The following NLRP2 variants were observed in gnomAD, a reference collection of about 807,000 sequenced individuals.
NLRP2 encodes NACHT, LRR and PYD domains-containing protein 2.
A neutral mutation model predicts 97.2 loss-of-function variants in NLRP2; 107 were observed. The ratio of observed to expected loss-of-function variants is 1.10; its 90% confidence interval spans 0.94 to 1.29. The LOEUF (loss-of-function observed/expected upper bound fraction) is 1.29, where lower values mean the gene tolerates loss of function less well. Among genes scored for constraint, NLRP2 ranks in the 50% most tolerant of loss-of-function variants. NLRP2 has a pLI of 0.00. For missense variants in NLRP2, 1,495 were observed against 1,330.3 expected (o/e 1.12, Z -1.93); for synonymous variants, 663 against 551.5 (o/e 1.20, Z -2.83).
chr19:54,977,512 TGTG>T (rs2071316390), intron 3 of NLRP2, among the ~76,000 whole-genome samples: 3 of 151,388 alleles, frequency 2.0e-5, no homozygotes, highest in African/African-American at 4.9e-5. Context: ...TGTGTGTGTG[TGTG>T]TGTGTGTGTC....
In NLRP2 at chr19:54,992,729, CTTTATT is replaced by C. The variant is rs368812851; in HGVS notation, c.2709-1535_2709-1530del. Among the ~76,000 whole-genome samples, 288 of 151,766 alleles carry C rather than the reference CTTTATT, an allele frequency of 1.9e-3. 1 individual carries two copies. The highest frequency in any genetic ancestry group is 6.8e-3 in the Middle Eastern group (2 of 294). ...GCATGCCACCACGCCCAGCTAACTT[CTTTATT>C]TTTAGTAGAGACGAGTTTTCACCAT... On this transcript the variant is annotated intron_variant, in intron 10 of 12. Transcript: ENST00000448584.
At chr19:54,976,432 C>T (rs561503691) in intron 3 of NLRP2, among the ~76,000 whole-genome samples, 10 of 151,960 alleles carry the variant, frequency 6.6e-5, no homozygotes, top group Non-Finnish European at 8.8e-5. Flanking sequence ...CTGCAGCCTC[C>T]GCCTCCCAGG....
chr19:54,990,992 T>A (rs2072439340), intron 10 of NLRP2: 1 of 396,698 alleles, frequency 2.5e-6, no homozygotes, highest in African/African-American at 2.0e-5. Context: ...GCTCAAGAGA[T>A]CTGCCTGCCT....
chr19:54,983,541 G>C lies in NLRP2; in HGVS notation c.1843G>C (p.Glu615Gln). 6.2e-7 allele frequency: 1 copy of C among 1,614,196 alleles called. No homozygotes were observed. The highest frequency in any genetic ancestry group is 8.5e-7 in the Non-Finnish European group (1 of 1,180,024). Reference protein sequence around the residue: ...LLGCLYESQEEELVKEVMAQF... With the variant: ...LLGCLYESQEQELVKEVMAQF... ...CGGCTGTCTGTACGAGTCTCAGGAG[G>C]AGGAGCTGGTGAAGGAGGTGATGGC... Residue 615 changes from glutamate (E) to glutamine (Q), a missense_variant, in exon 6 of 13, where the codon GAG (glutamate) becomes CAG (glutamine). Glu to Gln is a conservative substitution (Grantham distance 29, BLOSUM62 2). Transcript: ENST00000448584.
Position 54,985,186 on chromosome 19 carries a change from G to A in NLRP2, c.2170G>A (p.Ala724Thr), listed in dbSNP as rs369147616. ...SLVRILCEQI[A>T]SDTCHLQRVV... ...AGTAAGGATCCTGTGTGAACAAATA[G>A]CCTCTGACACCTGTCATCTCCAGAG... The change falls in exon 7 of 13, where the codon GCC (alanine) becomes ACC (threonine). Residue 724 changes from alanine (A) to threonine (T), a missense_variant. Ala to Thr is a moderately conservative substitution (Grantham distance 58). Coordinates refer to ENST00000448584, the MANE Select transcript of NLRP2 (RefSeq NM_017852.5). 730 of 1,614,056 alleles carry A rather than the reference G, an allele frequency of 4.5e-4. 8 individuals carry two copies. The South Asian group carries it at 7.4e-3, about 16-fold the overall frequency.
intron 1 of NLRP2, among the ~76,000 whole-genome samples, chr19:54,966,911 G>A (rs892330590): frequency 7.0e-6 from 1 of 142,748 alleles, no homozygotes; most frequent in African/African-American, 2.6e-5. Context: ...GCAGGATCTC[G>A]GCTCACTGAA....
In NLRP2 at chr19:55,000,978, CG is replaced by C; in HGVS notation, c.*82del. The C allele has an allele frequency of 5.3e-6, 7 of 1,315,772 alleles. No homozygotes were observed. The highest frequency in any genetic ancestry group is 1.7e-5 in the Admixed American group (1 of 59,358). The allele number at this position is 1,315,772 out of a possible 1,614,324, so 81.5% of individuals were successfully genotyped here. On this transcript the variant is annotated 3_prime_UTR_variant, in exon 13 of 13. Transcript: ENST00000448584. ...AACTGCCTGTGACTCCTCTCCTCCC[CG>C]GCCCCTACCCCTCAGGGATAATGAG... is the stretch of plus-strand genomic sequence containing the variant.
Position 54,982,415 on chromosome 19 carries a change from C to G in NLRP2, c.717C>G (p.Phe239Leu), listed in dbSNP as rs1459391722. Residue 239 changes from phenylalanine (F) to leucine (L), a missense_variant, in exon 6 of 13, where the codon TTC becomes TTG. Transcript: ENST00000448584. ...DWAEDNLIHK[F>L]KYAFYLSCRE... is the part of the protein sequence containing the mutation. Reference sequence around the variant, plus strand: ...CAGAGGACAACCTCATCCACAAATTCAAATATGCGTTCTACCTCAGCTGCA... The same window carrying G: ...CAGAGGACAACCTCATCCACAAATTGAAATATGCGTTCTACCTCAGCTGCA... The G allele has an allele frequency of 2.5e-6, 4 of 1,614,000 alleles. No homozygotes were observed. The highest frequency in any genetic ancestry group is 2.2e-5 in the East Asian group (1 of 44,878).
chr19:54,987,256 G>T (rs2072159208), intron 8 of NLRP2, among the ~76,000 whole-genome samples: 1 of 151,744 alleles, frequency 6.6e-6, no homozygotes, highest in Non-Finnish European at 1.5e-5. Context: ...CCTGTATGAT[G>T]ATTCAGAATA....
At position 54,996,893 on chromosome 19, in the gene NLRP2, C is replaced by A. The variant is rs569047947; in HGVS notation, c.2880-424C>A. Among the ~76,000 whole-genome samples the A allele has an allele frequency of 4.2e-4, 64 of 152,160 alleles. 1 individual carries two copies. The highest frequency in any genetic ancestry group is 1.5e-3 in the African/African-American group (63 of 41,542). On this transcript the variant is annotated intron_variant, in intron 11 of 12. Coordinates refer to ENST00000448584, the MANE Select transcript of NLRP2 (RefSeq NM_017852.5). ...CCATATTTTCCTGTTAGCAGATGAGCCCTGAGGGCGGAGACGTTTTGTTTG... is the reference window on the plus strand; with the variant it reads ...CCATATTTTCCTGTTAGCAGATGAGACCTGAGGGCGGAGACGTTTTGTTTG...
At chr19:55,000,009 T>C (rs1229297188) in intron 12 of NLRP2, among the ~76,000 whole-genome samples, 1 of 152,070 alleles carries the variant, frequency 6.6e-6, no homozygotes, top group African/African-American at 2.4e-5. Flanking sequence ...AGTGCTGGCA[T>C]TACAGGCATG....
chr19:54,977,910 C>G, intron 4 of NLRP2, 87 bp downstream of exon 4: 1 of 1,203,224 alleles, frequency 8.3e-7, no homozygotes, highest in Non-Finnish European at 1.2e-6. Flanking sequence ...AGAACCCCAT[C>G]TCTCTCCAAT....
Position 54,983,755 on chromosome 19 carries a change from G to A in NLRP2, c.2030+27G>A, listed in dbSNP as rs79488410. 592 of 1,603,840 alleles carry A rather than the reference G, an allele frequency of 3.7e-4. 5 individuals are homozygous for A. The African/African-American group carries it at 6.3e-3, about 17-fold the overall frequency. On this transcript the variant is annotated intron_variant, in intron 6 of 12. Transcript: ENST00000448584. Reference sequence around the variant, plus strand: ...TGAGAACCGTTTCACTCTACCAGTCGTTCCATCTTTAGCCTCATCCCATGC... The same window carrying A: ...TGAGAACCGTTTCACTCTACCAGTCATTCCATCTTTAGCCTCATCCCATGC...
At chr19:54,989,980 CAAAAAAAA>C (rs35241109) in intron 8 of NLRP2, 34 bp from the exon 9 acceptor site, 5 of 1,500,586 alleles carry the variant, frequency 3.3e-6, no homozygotes, top group Non-Finnish European at 3.6e-6. Context: ...GACTCAGTCT[CAAAAAAAA>C]AAAAAAAATG....
chr19:54,995,088 C>T (rs985925848), intron 11 of NLRP2, among the ~76,000 whole-genome samples: 5 of 149,684 alleles, frequency 3.3e-5, no homozygotes, highest in East Asian at 2.1e-4. Context: ...CCGAAGCGGG[C>T]GGATCACTTA....
intron 6 of NLRP2, 100 bp from the exon 7 acceptor site, chr19:54,984,947 A>G (rs1323294721): frequency 1.1e-5 from 12 of 1,113,320 alleles, no homozygotes; most frequent in Admixed American, 5.1e-5. Context: ...CCAGCTTTCA[A>G]TTGTACTCAT....
Position 54,977,772 on chromosome 19 carries a change from C to A in NLRP2, c.346C>A (p.Pro116Thr). 1.2e-6 allele frequency: 2 copies of A among 1,613,658 alleles called. No individual in the cohort carries two copies. The highest frequency in any genetic ancestry group is 1.3e-5 in the African/African-American group (1 of 75,022). The change falls in exon 4 of 13, where the codon CCA (proline) becomes ACA (threonine). Residue 116 changes from proline (P) to threonine (T), a missense_variant. Pro to Thr is a conservative substitution (Grantham distance 38). Coordinates refer to ENST00000448584, the MANE Select transcript of NLRP2 (RefSeq NM_017852.5). Reference sequence around the variant, plus strand: ...TCCAGGGATAACACGGAAAGAACGACCACCTCTAGACGTGGACGAAATGCT... The same window carrying A: ...TCCAGGGATAACACGGAAAGAACGAACACCTCTAGACGTGGACGAAATGCT... Reference protein sequence around the residue: ...LSLGITRKERPPLDVDEMLER... With the variant: ...LSLGITRKERTPLDVDEMLER...
intron 4 of NLRP2, among the ~76,000 whole-genome samples, chr19:54,981,263 T>C (rs2071551772): frequency 6.6e-6 from 1 of 151,972 alleles, no homozygotes; most frequent in East Asian, 1.9e-4. Context: ...ATCTCCCAGG[T>C]TCAAGCAATT....
At position 54,992,505 on chromosome 19, in the gene NLRP2, T is replaced by G. The variant is rs1049741654; in HGVS notation, c.2709-1764T>G. On this transcript the variant is annotated intron_variant, in intron 10 of 12. Transcript: ENST00000448584. ...AATGTCTAGTTTTTTTGGTTGTGTG[T>G]GTGTGTGGTGTGTGGTGTGTGTGGT... 5.2e-4 allele frequency among the ~76,000 whole-genome samples: 73 copies of G among 141,128 alleles called. 1 individual carries two copies. Among genetic ancestry groups the G allele is most frequent in the African/African-American group, 1.7e-3 (64 of 37,908 alleles). The allele number at this position is 141,128 out of a possible 152,430, so 92.6% of individuals were successfully genotyped here. A position where few individuals can be genotyped will look rare whatever the true frequency, so the allele number is the denominator to read the frequency against.
Sources: gnomAD v4.1 joint callset for allele counts (sites outside exome capture counted in the v4.1 genomes callset) on GRCh38, gnomAD v4.1.1 for gene constraint, MANE v1.5 for transcripts, NCBI Gene and HGNC (gene_info 2026-07-23, HGNC 2026-07-21) for gene names.